Variants in SLC8A1 observed in about 807,000 individuals in gnomAD.
SLC8A1 encodes the protein sodium/calcium exchanger 1.
In SLC8A1, 18 loss-of-function variants were observed where a neutral mutation model predicts 68.3. That is an observed-to-expected ratio of 0.26 (90% CI 0.18 to 0.39). The LOEUF (loss-of-function observed/expected upper bound fraction) is 0.39, where lower values mean the gene tolerates loss of function less well. SLC8A1 is among the 10% of genes least tolerant of loss of function. The probability of loss-of-function intolerance (pLI) is 1.00; values close to 1 mark genes in which losing one functional copy is unlikely to be tolerated. For synonymous variants in SLC8A1, 475 were observed against 415.5 expected (o/e 1.14, Z -1.74); for missense variants, 985 against 1,156.7 (o/e 0.85, Z 2.15).
At chr2:40,232,414 T>A (rs542815123) in intron 2 of SLC8A1, among the ~76,000 whole-genome samples, 1 of 150,868 alleles carries the variant, frequency 6.6e-6, no homozygotes, top group East Asian at 2.0e-4. Context: ...TGTCTTCAGT[T>A]TTTTTTTCAA....
At chr2:40,351,140 T>C (rs944337926) in intron 2 of SLC8A1, among the ~76,000 whole-genome samples, 2 of 152,208 alleles carry the variant, frequency 1.3e-5, no homozygotes, top group Non-Finnish European at 1.5e-5. Context: ...CTTTGTATCA[T>C]ATTTTATAAC....
intron 7 of SLC8A1, among the ~76,000 whole-genome samples, chr2:40,130,418 A>G (rs1410752618): frequency 3.9e-5 from 6 of 152,258 alleles, no homozygotes; most frequent in Non-Finnish European, 8.8e-5. Context: ...AGTACAAAGC[A>G]TTTAAACTCC....
chr2:40,341,582 G>T (rs1667710269), intron 2 of SLC8A1, among the ~76,000 whole-genome samples: 1 of 152,082 alleles, frequency 6.6e-6, no homozygotes. Flanking sequence ...AAGTTTTATT[G>T]TTTTCAAAAT....
At chr2:40,302,139 C>T (rs752162032) in intron 2 of SLC8A1, among the ~76,000 whole-genome samples, 4 of 149,746 alleles carry the variant, frequency 2.7e-5, no homozygotes, top group African/African-American at 4.9e-5. Flanking sequence ...TCAAGTGATC[C>T]ACCTGCCTTA....
chr2:40,467,950 T>G (rs1438511820), intron 1 of SLC8A1, among the ~76,000 whole-genome samples: 1 of 152,174 alleles, frequency 6.6e-6, no homozygotes, highest in East Asian at 1.9e-4. Flanking sequence ...GGGTATAACT[T>G]TAAGCAAATC....
chr2:40,240,018 C>A (rs1433714522), intron 2 of SLC8A1, among the ~76,000 whole-genome samples: 5 of 152,166 alleles, frequency 3.3e-5, no homozygotes, highest in African/African-American at 1.2e-4. Context: ...ATGAAGCCAA[C>A]TGTGAAACCA....
intron 3 of SLC8A1, chr2:40,175,987 C>G (rs1467715270): frequency 4.5e-6 from 2 of 448,738 alleles, no homozygotes; most frequent in Non-Finnish European, 9.0e-6. Context: ...CAGAATCCTT[C>G]TAGTGGACAT....
intron 4 of SLC8A1, among the ~76,000 whole-genome samples, chr2:40,167,703 A>G (rs565357160): frequency 6.6e-6 from 1 of 152,298 alleles, no homozygotes; most frequent in South Asian, 2.1e-4. Flanking sequence ...GTTAAATCTT[A>G]TCTTTCAAAA....
At chr2:40,346,467 T>C (rs981667032) in intron 2 of SLC8A1, among the ~76,000 whole-genome samples, 4 of 152,144 alleles carry the variant, frequency 2.6e-5, no homozygotes, top group African/African-American at 7.2e-5. Flanking sequence ...TTCAGTGTTG[T>C]GACCAGCACT....
intron 6 of SLC8A1, among the ~76,000 whole-genome samples, chr2:40,156,495 T>A (rs1016488487): frequency 2.2e-4 from 2 of 8,968 alleles, no homozygotes; most frequent in South Asian, 0.011. Context: ...TATTTAACAT[T>A]AGGTAAAAGA....
intron 2 of SLC8A1, among the ~76,000 whole-genome samples, chr2:40,397,597 C>T (rs1364126510): frequency 7.9e-5 from 12 of 152,076 alleles, no homozygotes; most frequent in Non-Finnish European, 1.5e-5. Flanking sequence ...CCTGACCGTT[C>T]CAGATCAGTC....
At chr2:40,280,251 T>TAAAAAAAAAA (rs67427562) in intron 2 of SLC8A1, among the ~76,000 whole-genome samples, 3 of 94,470 alleles carry the variant, frequency 3.2e-5, no homozygotes, top group African/African-American at 8.3e-5. Context: ...AAATAAACAC[T>TAAAAAAAAAA]AAAAAAAAAA....
exon 8 of SLC8A1, chr2:40,103,733 A>T (rs1002438762): frequency 6.6e-6 from 1 of 152,204 alleles, no homozygotes; most frequent in Non-Finnish European, 1.5e-5. Context: ...ACACTTCTTG[A>T]AAAGGGAGAA....
At chr2:40,468,418 G>A (rs1253515632) in intron 1 of SLC8A1, among the ~76,000 whole-genome samples, 1 of 151,992 alleles carries the variant, frequency 6.6e-6, no homozygotes, top group Non-Finnish European at 1.5e-5. Flanking sequence ...TAATTATGAA[G>A]ACTTTTTATG....
intron 2 of SLC8A1, among the ~76,000 whole-genome samples, chr2:40,282,202 T>C (rs2149191435): frequency 6.6e-6 from 1 of 152,322 alleles, no homozygotes; most frequent in Middle Eastern, 3.4e-3. Flanking sequence ...GCTGGGAAAT[T>C]TAACTAAATC....
chr2:40,200,210 ATATATATATTTTTT>A (rs1303739246), intron 2 of SLC8A1, among the ~76,000 whole-genome samples: 6 of 6,682 alleles, frequency 9.0e-4, no homozygotes, highest in African/African-American at 3.0e-3. Flanking sequence ...ATATATAAAT[ATATATATATTTTTT>A]TATATATATA....
chr2:40,288,371 C>A (rs1302795407), intron 2 of SLC8A1, among the ~76,000 whole-genome samples: 4 of 152,112 alleles, frequency 2.6e-5, no homozygotes, highest in Non-Finnish European at 5.9e-5. Context: ...ACTTGCTCAA[C>A]TAAAGGAAAA....
In SLC8A1 at chr2:40,500,423, C is replaced by T. The variant is rs574108637; in HGVS notation, c.-25+11926G>A. Among the ~76,000 whole-genome samples the T allele has an allele frequency of 4.6e-5, 7 of 152,158 alleles. 1 individual carries two copies. The highest frequency in any genetic ancestry group is 2.1e-4 in the South Asian group (1 of 4,826). On this transcript the variant is annotated intron_variant, in intron 1 of 7. Coordinates refer to the SLC8A1 transcript ENST00000402441. The stretch of plus-strand genomic sequence containing the variant: ...CCAAGACAGATTAACTTATTAAAAG[C>T]CCCAATAATTCCTCCAGAATAAATT...
At chr2:40,381,248 C>T (rs1681681354) in intron 2 of SLC8A1, among the ~76,000 whole-genome samples, 1 of 151,982 alleles carries the variant, frequency 6.6e-6, no homozygotes, top group Admixed American at 6.6e-5. Context: ...GTCACCTCTT[C>T]CAGGGAGCCT....
Sources: allele counts gnomAD v4.1 joint callset (sites outside exome capture counted in the v4.1 genomes callset), GRCh38; gene constraint gnomAD v4.1.1; transcripts MANE v1.5; gene names NCBI Gene and HGNC (gene_info 2026-07-23, HGNC 2026-07-21).